BAIAP2L2: variants seen among roughly 807,000 people sequenced by gnomAD.
BAIAP2L2 encodes the protein BAR/IMD domain containing adaptor protein 2 like 2, also known as BAR/IMD domain-containing adapter protein 2-like 2.
BAIAP2L2 carries 65 observed loss-of-function variants against 60.4 expected under a neutral mutation model. The ratio of observed to expected loss-of-function variants is 1.08; its 90% CI spans 0.88 to 1.32. The LOEUF (loss-of-function observed/expected upper bound fraction) is 1.32. Among genes scored for constraint, BAIAP2L2 ranks in the 40% most tolerant of loss-of-function variants. The probability of loss-of-function intolerance (pLI) is 0.00; values close to 1 mark genes in which losing one functional copy is unlikely to be tolerated. For missense variants in BAIAP2L2, 836 were observed against 741.2 expected, an observed-to-expected ratio of 1.13 and a Z score of -1.48; for synonymous variants, 344 against 301.7, an observed-to-expected ratio of 1.14 and a Z score of -1.45.
chr22:38,093,924 CAA>C (rs766231608), intron 7 of BAIAP2L2: 63 of 456,582 alleles, frequency 1.4e-4, no homozygotes, highest in Non-Finnish European at 2.2e-4. Flanking sequence ...TCATGACAGC[CAA>C]AGAGTGGAAA....
In BAIAP2L2 at chr22:38,087,099, G is replaced by A. The variant is rs991985192; in HGVS notation, c.1259+25C>T. Reference sequence around the variant, plus strand: ...CACCCTTGCCGGCGTCCTCACCCCCGCCCCACCCCTGATGACTCAGGTACC... The same window carrying A: ...CACCCTTGCCGGCGTCCTCACCCCCACCCCACCCCTGATGACTCAGGTACC... On this transcript the variant is annotated intron_variant, in intron 11 of 13. Coordinates refer to ENST00000381669, the MANE Select transcript of BAIAP2L2 (RefSeq NM_025045.6). The A allele has an allele frequency of 1.3e-5, 19 of 1,512,330 alleles. 1 individual carries two copies. In the Admixed American group the frequency reaches 2.2e-4, roughly 17 times the overall value. The allele number at this position is 1,512,330 out of a possible 1,614,324, so 93.7% of individuals were successfully genotyped here.
chr22:38,109,669 C>T (rs1326319426), intron 1 of BAIAP2L2, among the ~76,000 whole-genome samples: 3 of 152,186 alleles, frequency 2.0e-5, no homozygotes, highest in African/African-American at 4.8e-5. Context: ...CCGAGAACAG[C>T]CCCCCATGGG....
intron 7 of BAIAP2L2, among the ~76,000 whole-genome samples, chr22:38,094,693 G>A (rs187545825): frequency 6.6e-5 from 10 of 152,294 alleles, no homozygotes; most frequent in East Asian, 5.8e-4. Flanking sequence ...AGCAGGGGAC[G>A]AGAAGGCTGA....
chr22:38,094,892 C>A (rs569327773), intron 7 of BAIAP2L2, among the ~76,000 whole-genome samples: 1 of 152,216 alleles, frequency 6.6e-6, no homozygotes, highest in East Asian at 1.9e-4. Context: ...TGGCTCATGC[C>A]TGTAATGCCA....
intron 4 of BAIAP2L2, among the ~76,000 whole-genome samples, chr22:38,104,772 A>T (rs1346626697): frequency 6.6e-6 from 1 of 152,178 alleles, no homozygotes; most frequent in African/African-American, 2.4e-5. Flanking sequence ...CTGGGATTAC[A>T]GGCGTGAGCC....
Position 38,087,166 on chromosome 22 carries a change from G to GGGT in BAIAP2L2, c.1216_1217insACC (p.Ser406delinsTyrPro), listed in dbSNP as rs773364498. ...CCCGGGGTTCATGGGTGTCATGGGG[G>GGGT]ACATGGAGGTCATGGAGGTCATGGG... On this transcript the variant is annotated protein_altering_variant, in exon 11 of 14. Coordinates refer to ENST00000381669, the MANE Select transcript of BAIAP2L2 (RefSeq NM_025045.6). 6.2e-7 allele frequency: 1 copy of GGGT among 1,601,526 alleles called. No homozygotes were observed. Among genetic ancestry groups the GGGT allele is most frequent in the South Asian group, 1.1e-5 (1 of 88,852 alleles).
At chr22:38,092,061 T>C (rs1047802152) in intron 7 of BAIAP2L2, among the ~76,000 whole-genome samples, 3 of 152,210 alleles carry the variant, frequency 2.0e-5, no homozygotes, top group African/African-American at 7.2e-5. Flanking sequence ...GTGCAACCAA[T>C]GACTATATTC....
At position 38,097,047 on chromosome 22, in the gene BAIAP2L2, C is replaced by T. The variant is rs2145996122; in HGVS notation, c.597G>A (p.Leu199=). Residue 199 remains leucine (L), a synonymous_variant, in exon 7 of 14, where the codon CTG becomes CTA. Coordinates refer to ENST00000381669, the MANE Select transcript of BAIAP2L2 (RefSeq NM_025045.6). Reference sequence around the variant, plus strand: ...TCCAACTCACCCGGCCGAAGAACTGCAGGAAGGTGTTGGAAAGTAGCAGGT... The same window carrying T: ...TCCAACTCACCCGGCCGAAGAACTGTAGGAAGGTGTTGGAAAGTAGCAGGT... ...EKHLLLSNTF[L]QFFGRARGML... The T allele has an allele frequency of 6.2e-7, 1 of 1,613,338 alleles. No homozygotes were observed. Among genetic ancestry groups the T allele is most frequent in the Middle Eastern group, 1.7e-4 (1 of 6,060 alleles).
In BAIAP2L2 at chr22:38,088,825, G is replaced by GGAGAAGC; in HGVS notation, c.1034_1040dup (p.Ala348LeufsTer87). 1 of 1,600,652 alleles carries GGAGAAGC rather than the reference G, an allele frequency of 6.2e-7. No homozygotes were observed. Among genetic ancestry groups the GGAGAAGC allele is most frequent in the South Asian group, 1.1e-5 (1 of 91,008 alleles). ...CCAACACCTCCACCACGTCCCCAGC[G>GGAGAAGC]GAGAAGCGCAGCAGCGTGTGGTTGG... On this transcript the variant is annotated frameshift_variant, in exon 10 of 14. Transcript: ENST00000381669. LOFTEE classifies it high-confidence loss of function.
intron 8 of BAIAP2L2, 112 bp downstream of exon 8, chr22:38,089,410 C>T (rs1425724483): frequency 6.3e-6 from 4 of 631,614 alleles, no homozygotes; most frequent in Non-Finnish European, 9.0e-6. Context: ...GGGGATGCAG[C>T]GTAGAGCGGG....
intron 4 of BAIAP2L2, among the ~76,000 whole-genome samples, chr22:38,103,862 C>CAA (rs35813107): frequency 0.017 from 1,849 of 109,270 alleles, 28 homozygotes; most frequent in Non-Finnish European, 0.022. Context: ...GACTCCATGT[C>CAA]AAAAAAAAAA....
intron 1 of BAIAP2L2, 152 bp from the exon 2 acceptor site, chr22:38,109,360 C>T (rs1602038324): frequency 3.1e-6 from 2 of 653,198 alleles, no homozygotes; most frequent in Non-Finnish European, 5.4e-6. Flanking sequence ...CAAACCTAGG[C>T]TCACCCAGAA....
rs1343701935 is a variant in BAIAP2L2 at position 38,097,169 on chromosome 22, T to TCA, written c.473_474dup (p.Asn159Ter). 1 of 1,613,460 alleles carries TCA rather than the reference T, an allele frequency of 6.2e-7. No homozygotes were observed. On this transcript the variant is annotated frameshift_variant, in exon 7 of 14. Coordinates refer to ENST00000381669, the MANE Select transcript of BAIAP2L2 (RefSeq NM_025045.6). LOFTEE classifies it high-confidence loss of function. Reference sequence around the variant, plus strand: ...GCCTGCATCTGTGCGTGCAGCCGGTTCACACTCTCCTGGGGGGGAACGGGA... The same window carrying TCA: ...GCCTGCATCTGTGCGTGCAGCCGGTTCACACACTCTCCTGGGGGGGAACGGGA...
chr22:38,095,970 G>A (rs1392020225), intron 7 of BAIAP2L2, among the ~76,000 whole-genome samples: 1 of 152,096 alleles, frequency 6.6e-6, no homozygotes, highest in African/African-American at 2.4e-5. Context: ...TTATCTAAAA[G>A]GAATAAAACC....
chr22:38,110,460 C>T lies in BAIAP2L2; in HGVS notation c.51+15G>A. On this transcript the variant is annotated intron_variant, in intron 1 of 13. Coordinates refer to ENST00000381669, the MANE Select transcript of BAIAP2L2 (RefSeq NM_025045.6). ...AGGAGGGGCTCAGGCCTGGCTTGGC[C>T]ACCCATGTGCTCACCTTGTAGATGG... The T allele has an allele frequency of 6.2e-7, 1 of 1,611,458 alleles. No individual in the cohort carries two copies. Among genetic ancestry groups the T allele is most frequent in the Non-Finnish European group, 8.5e-7 (1 of 1,179,050 alleles).
In BAIAP2L2 at chr22:38,089,113, G is replaced by C. The variant is rs1250247938; in HGVS notation, c.884C>G (p.Pro295Arg). 9.5e-6 allele frequency: 13 copies of C among 1,372,848 alleles called. No individual in the cohort carries two copies. The highest frequency in any genetic ancestry group is 1.5e-5 in the African/African-American group (1 of 65,220). The allele number at this position is 1,372,848 out of a possible 1,614,324, so 85.0% of individuals were successfully genotyped here. The change falls in exon 9 of 14, where the codon CCC becomes CGC. Residue 295 changes from proline (P) to arginine (R), a missense_variant. Transcript: ENST00000381669. Reference protein sequence around the residue: ...SQLEPDRRSLPRTPSASSLYS... With the variant: ...SQLEPDRRSLRRTPSASSLYS... ...GCACTCACAGGCCGACGGCGTGCGG[G>C]GCAGGGAGCGACGGTCTGGCTCTAG...
chr22:38,088,617 G>A (rs1419984759), intron 10 of BAIAP2L2, 131 bp downstream of exon 10: 1 of 885,840 alleles, frequency 1.1e-6, no homozygotes, highest in African/African-American at 1.7e-5. Context: ...TGCGGGGGTC[G>A]GGAGGAGAGG....
Position 38,097,000 on chromosome 22 carries a change from C to A in BAIAP2L2, c.612+32G>T, listed in dbSNP as rs764337036. 2.5e-6 allele frequency: 4 copies of A among 1,588,988 alleles called. No homozygotes were observed. The South Asian group carries it at 4.5e-5, about 18-fold the overall frequency. On this transcript the variant is annotated intron_variant, in intron 7 of 13. Coordinates refer to ENST00000381669, the MANE Select transcript of BAIAP2L2 (RefSeq NM_025045.6). ...CTCAGGAGGGGGCAGCTCCTAGAAG[C>A]GCCCCGCTTGCTGCCCCCCAGTCCA...
At chr22:38,088,703 CCTT>C (rs753324742) in intron 10 of BAIAP2L2, 42 bp downstream of exon 10, 40 of 1,475,478 alleles carry the variant, frequency 2.7e-5, no homozygotes, top group Admixed American at 3.8e-5. Flanking sequence ...GCCCCCAGGG[CCTT>C]CTTCTCAACC....
Sources: allele counts gnomAD v4.1 joint callset (sites outside exome capture counted in the v4.1 genomes callset), GRCh38; gene constraint gnomAD v4.1.1; transcripts MANE v1.5; gene names NCBI Gene and HGNC (gene_info 2026-07-23, HGNC 2026-07-21).